The following PAK5 variants were observed in gnomAD, a reference collection of about 807,000 sequenced individuals.
PAK5 encodes p21 (RAC1) activated kinase 5, also known as serine/threonine-protein kinase PAK 5.
A neutral mutation model predicts 65.9 loss-of-function variants in PAK5; 16 were observed. That is an observed-to-expected ratio of 0.24 (90% confidence interval 0.16 to 0.37). PAK5 has a LOEUF of 0.37. Ranked by LOEUF, PAK5 falls within the 10% of genes least tolerant of loss-of-function variation. PAK5 has a pLI of 1.00. For missense variants in PAK5, 785 were observed against 903.9 expected (o/e 0.87, Z 1.69); for synonymous variants, 371 against 354.9 (o/e 1.05, Z -0.51).
At chr20:9,771,215 A>T (rs1246988121) in intron 1 of PAK5, among the ~76,000 whole-genome samples, 3 of 152,168 alleles carry the variant, frequency 2.0e-5, no homozygotes, top group Non-Finnish European at 4.4e-5. Flanking sequence ...TAGCCCTAAC[A>T]GAGATAAGAT....
chr20:9,794,290 C>G (rs1427081779), intron 1 of PAK5, among the ~76,000 whole-genome samples: 2 of 151,878 alleles, frequency 1.3e-5, no homozygotes, highest in African/African-American at 4.8e-5. Flanking sequence ...ACATATATAC[C>G]TATGTAACAA....
At chr20:9,649,721 G>A (rs966008159) in intron 2 of PAK5, among the ~76,000 whole-genome samples, 9 of 152,154 alleles carry the variant, frequency 5.9e-5, no homozygotes, top group Non-Finnish European at 2.9e-5. Flanking sequence ...TTCGAGTCAT[G>A]CTGGTTGGGG....
intron 3 of PAK5, among the ~76,000 whole-genome samples, chr20:9,592,716 G>C (rs896042791): frequency 2.0e-5 from 3 of 152,194 alleles, no homozygotes; most frequent in African/African-American, 7.2e-5. Context: ...CAGCTGTCAT[G>C]CAAGTAGGTA....
chr20:9,556,925 G>A (rs2045516338), intron 7 of PAK5, among the ~76,000 whole-genome samples: 1 of 152,142 alleles, frequency 6.6e-6, no homozygotes, highest in Non-Finnish European at 1.5e-5. Context: ...GAAGAGTGAG[G>A]TTGGAGGATT....
In PAK5 at chr20:9,550,749, T is replaced by C. The variant is rs947360780; in HGVS notation, c.1744-6255A>G. Among the ~76,000 whole-genome samples, 187 of 152,090 alleles carry C rather than the reference T, an allele frequency of 1.2e-3. 2 individuals carry two copies. Among genetic ancestry groups the C allele is most frequent in the Non-Finnish European group, 2.5e-4 (17 of 67,980 alleles). On this transcript the variant is annotated intron_variant, in intron 7 of 9. Coordinates refer to ENST00000353224, the MANE Select transcript of PAK5 (RefSeq NM_177990.4). ...TAATTGTGGTGTGTGTGTGTGTGTG[T>C]GTGTGTGTGTGTTTATTTCCAAAAC...
At chr20:9,608,206 T>C (rs1185945944) in intron 3 of PAK5, among the ~76,000 whole-genome samples, 1 of 152,188 alleles carries the variant, frequency 6.6e-6, no homozygotes, top group African/African-American at 2.4e-5. Context: ...GATTTCAACA[T>C]ACAAATTTTG....
chr20:9,557,774 A>C (rs765805171), intron 6 of PAK5, 40 bp from the exon 7 acceptor site: 2 of 1,577,942 alleles, frequency 1.3e-6, no homozygotes, highest in South Asian at 2.2e-5. Context: ...GACAGGTTTA[A>C]GAACATCTTT....
intron 2 of PAK5, among the ~76,000 whole-genome samples, chr20:9,701,025 G>A (rs1042846305): frequency 6.6e-6 from 1 of 152,084 alleles, no homozygotes; most frequent in African/African-American, 2.4e-5. Flanking sequence ...AGATAGGTAG[G>A]AGCCATTGCA....
intron 2 of PAK5, among the ~76,000 whole-genome samples, chr20:9,704,891 G>C (rs909545526): frequency 6.6e-6 from 1 of 152,172 alleles, no homozygotes; most frequent in Non-Finnish European, 1.5e-5. Context: ...CCTTGAGAGA[G>C]AGAGATCGTC....
chr20:9,725,589 T>A (rs887035216), intron 1 of PAK5, among the ~76,000 whole-genome samples: 1 of 152,168 alleles, frequency 6.6e-6, no homozygotes, highest in Non-Finnish European at 1.5e-5. Context: ...ATAGAAGTAA[T>A]GTTTTGGTTC....
At chr20:9,672,587 C>T (rs544050242) in intron 2 of PAK5, among the ~76,000 whole-genome samples, 1 of 152,100 alleles carries the variant, frequency 6.6e-6, no homozygotes, top group East Asian at 1.9e-4. Context: ...GCCCCTCCTT[C>T]ACCTTCTGCC....
intron 7 of PAK5, among the ~76,000 whole-genome samples, chr20:9,547,871 A>G (rs560108007): frequency 6.6e-6 from 1 of 152,306 alleles, no homozygotes; most frequent in South Asian, 2.1e-4. Context: ...GGCTGTTGGT[A>G]TACACATTAT....
intron 2 of PAK5, among the ~76,000 whole-genome samples, chr20:9,668,041 T>C (rs1397023096): frequency 6.6e-6 from 1 of 152,172 alleles, no homozygotes; most frequent in East Asian, 1.9e-4. Context: ...ATTTGAGTCA[T>C]GACAGCTTCC....
chr20:9,692,244 T>C (rs1352536683), intron 2 of PAK5, among the ~76,000 whole-genome samples: 1 of 152,164 alleles, frequency 6.6e-6, no homozygotes, highest in East Asian at 1.9e-4. Context: ...CACCAAGAAA[T>C]ATTAAAGCCA....
chr20:9,785,357 C>G (rs1385368463), intron 1 of PAK5, among the ~76,000 whole-genome samples: 1 of 152,032 alleles, frequency 6.6e-6, no homozygotes, highest in African/African-American at 2.4e-5. Flanking sequence ...CAAACAGAAA[C>G]AAAAGGTTTG....
chr20:9,588,232 A>G (rs972424863), intron 3 of PAK5, among the ~76,000 whole-genome samples: 1 of 152,216 alleles, frequency 6.6e-6, no homozygotes, highest in African/African-American at 2.4e-5. Context: ...ATCACCCAAT[A>G]GTAAAAAAAT....
chr20:9,768,790 C>CAAAAAA (rs35432047), intron 1 of PAK5, among the ~76,000 whole-genome samples: 4 of 34,870 alleles, frequency 1.1e-4, no homozygotes, highest in Admixed American at 4.5e-4. Context: ...GACTCCATCG[C>CAAAAAA]AAAAAAAAAA....
intron 3 of PAK5, among the ~76,000 whole-genome samples, chr20:9,601,993 C>T (rs1227241302): frequency 6.6e-6 from 1 of 152,168 alleles, no homozygotes; most frequent in East Asian, 1.9e-4. Flanking sequence ...AGCATTTTGG[C>T]AACCATAGTT....
intron 1 of PAK5, among the ~76,000 whole-genome samples, chr20:9,723,020 C>T (rs1052881029): frequency 8.5e-5 from 13 of 152,146 alleles, no homozygotes; most frequent in Admixed American, 8.5e-4. Context: ...GTGTGAGCCA[C>T]CGTGCCTGGT....
Sources: allele counts gnomAD v4.1 joint callset (sites outside exome capture counted in the v4.1 genomes callset), GRCh38; gene constraint gnomAD v4.1.1; transcripts MANE v1.5; gene names NCBI Gene and HGNC (gene_info 2026-07-23, HGNC 2026-07-21).